The following TFPI2 variants were observed in gnomAD, a reference collection of about 807,000 sequenced individuals.
The protein encoded by TFPI2 is placental protein 5.
Under a neutral mutation model 23.1 loss-of-function variants are expected in TFPI2, and 23 were observed. The ratio of observed to expected loss-of-function variants is 1.00; its 90% CI spans 0.72 to 1.41. TFPI2 has a LOEUF of 1.41. Ranked by LOEUF, TFPI2 falls within the 40% of genes most tolerant of loss-of-function variation. TFPI2 has a pLI of 0.00. For missense variants in TFPI2, 291 were observed against 299.6 expected, an observed-to-expected ratio of 0.97 and a Z score of 0.21; for synonymous variants, 119 against 111.7, an observed-to-expected ratio of 1.07 and a Z score of -0.41.
At chr7:93,888,603 G>GAAAGAAAGAAAGAAAGAAAGAA (rs2115846699) in intron 3 of TFPI2, among the ~76,000 whole-genome samples, 2 of 130,956 alleles carry the variant, frequency 1.5e-5, no homozygotes, top group African/African-American at 6.5e-5. Flanking sequence ...AAGAAAGAAA[G>GAAAGAAAGAAAGAAAGAAAGAA]AAAGAGAAAA....
Position 93,888,589 on chromosome 7 carries a change from G to GAGAAAGAAAGAA in TFPI2, c.460+434_460+445dup, listed in dbSNP as rs58431286. ...GGAAGGAAGGAAGGAAGGAAGGAAA[G>GAGAAAGAAAGAA]AGAAAGAAAGAAAGAAAGAGAAAAA... On this transcript the variant is annotated intron_variant, in intron 3 of 4. Transcript: ENST00000222543. Among the ~76,000 whole-genome samples the GAGAAAGAAAGAA allele has an allele frequency of 8.1e-4, 84 of 103,348 alleles. 2 individuals carry two copies. Among genetic ancestry groups the GAGAAAGAAAGAA allele is most frequent in the East Asian group, 4.6e-3 (14 of 3,038 alleles). 67.8% of individuals were successfully genotyped at this position (103,348 alleles called of 152,430 possible). A position where few individuals can be genotyped will look rare whatever the true frequency, so the allele number is the denominator to read the frequency against.
Position 93,889,203 on chromosome 7 carries a change from GC to G in TFPI2, c.291del (p.Leu98CysfsTer3). The G allele has an allele frequency of 6.3e-7, 1 of 1,582,748 alleles. No individual in the cohort carries two copies. Among genetic ancestry groups the G allele is most frequent in the Non-Finnish European group, 8.6e-7 (1 of 1,166,080 alleles). On this transcript the variant is annotated frameshift_variant, in exon 3 of 5. Coordinates refer to ENST00000222543, the MANE Select transcript of TFPI2 (RefSeq NM_006528.4). LOFTEE classifies it high-confidence loss of function. ...CACTGGTCGTCCACACTCACTTGCAGCCGGCAAACTTTGGGAACTTCTAGGA... is the reference window on the plus strand; with the variant it reads ...CACTGGTCGTCCACACTCACTTGCAGCGGCAAACTTTGGGAACTTCTAGGA... ...WRIEKVPKVCRLQVSVDDQCE... is the reference protein window; with the variant it reads ...WRIEKVPKVCXLQVSVDDQCE...
intron 3 of TFPI2, 95 bp from the exon 4 acceptor site, chr7:93,887,526 T>C: frequency 1.0e-6 from 1 of 967,772 alleles, no homozygotes; most frequent in Non-Finnish European, 1.5e-6. Flanking sequence ...TCTAATCCCA[T>C]AGAAGCCTCA....
Position 93,889,030 on chromosome 7 carries a change from T to C in TFPI2, c.460+5A>G. ...AAATAGAAATACCATAAAAATCGTA[T>C]TTACTTTTCTTTGGTGCGCAGAAGC... On this transcript the variant is annotated splice_donor_5th_base_variant and intron_variant, in intron 3 of 4. Transcript: ENST00000222543. The C allele has an allele frequency of 1.3e-6, 2 of 1,582,764 alleles. No individual in the cohort carries two copies. Among genetic ancestry groups the C allele is most frequent in the Non-Finnish European group, 1.7e-6 (2 of 1,171,516 alleles).
At chr7:93,888,899 C>T (rs1794068251) in intron 3 of TFPI2, 136 bp downstream of exon 3, 3 of 826,976 alleles carry the variant, frequency 3.6e-6, no homozygotes, top group Non-Finnish European at 5.6e-6. Context: ...GTCCTAAGAA[C>T]TTGACAAGTC....
intron 3 of TFPI2, 60 bp downstream of exon 3, chr7:93,888,975 T>C (rs760731682): frequency 2.6e-6 from 4 of 1,512,204 alleles, no homozygotes; most frequent in Non-Finnish European, 3.6e-6. Flanking sequence ...AATTGAGTTT[T>C]TTCCACCCAA....
intron 2 of TFPI2, 101 bp from the exon 3 acceptor site, chr7:93,889,324 T>C: frequency 8.8e-7 from 1 of 1,132,560 alleles, no homozygotes; most frequent in Non-Finnish European, 1.2e-6. Context: ...AGAGAAGTTG[T>C]ATTAGTGTTG....
chr7:93,886,855 T>C lies in TFPI2; in HGVS notation c.673A>G (p.Ser225Gly), dbSNP rs781548960. ...KKKMPKLRFA[S>G]RIRKIRKKQF is the part of the protein sequence containing the mutation. ...TTCTTCCGAATTTTCCGGATTCTACTGGCAAAGCGAAGCTTTGGCATCTTC... is the reference window on the plus strand; with the variant it reads ...TTCTTCCGAATTTTCCGGATTCTACCGGCAAAGCGAAGCTTTGGCATCTTC... Residue 225 changes from serine to glycine, a missense_variant, in exon 5 of 5, where the codon AGT becomes GGT. Transcript: ENST00000222543. 6.4e-7 allele frequency: 1 copy of C among 1,552,704 alleles called. No individual in the cohort carries two copies.
At chr7:93,888,970 A>G in intron 3 of TFPI2, 65 bp downstream of exon 3, 1 of 1,428,722 alleles carries the variant, frequency 7.0e-7, no homozygotes, top group Non-Finnish European at 9.6e-7. Context: ...CATCAAATTG[A>G]GTTTTTTCCA....
chr7:93,889,668 G>A (rs1189856439), intron 2 of TFPI2, among the ~76,000 whole-genome samples: 1 of 151,968 alleles, frequency 6.6e-6, no homozygotes, highest in East Asian at 1.9e-4. Flanking sequence ...CACATGTTTG[G>A]GTATCGGGAC....
chr7:93,887,543 A>G (rs760753280), intron 3 of TFPI2, 112 bp from the exon 4 acceptor site: 6 of 769,296 alleles, frequency 7.8e-6, no homozygotes, highest in Non-Finnish European at 1.0e-5. Flanking sequence ...CTCAGTCTGA[A>G]TCCAAAATAT....
At position 93,889,170 on chromosome 7, in the gene TFPI2, A is replaced by G. The variant is rs1449556191; in HGVS notation, c.325T>C (p.Ser109Pro). Residue 109 changes from serine to proline, a missense_variant, in exon 3 of 5, where the codon TCC (serine) becomes CCC (proline). Coordinates refer to ENST00000222543, the MANE Select transcript of TFPI2 (RefSeq NM_006528.4). ...QVSVDDQCEG[S>P]TEKYFFNLSS... The stretch of plus-strand genomic sequence containing the variant: ...AGATTAAAGAAATACTTTTCTGTGG[A>G]CCCCTCACACTGGTCGTCCACACTC... The G allele has an allele frequency of 6.2e-7, 1 of 1,610,978 alleles. No individual in the cohort carries two copies. The highest frequency in any genetic ancestry group is 1.3e-5 in the African/African-American group (1 of 74,690).
At position 93,886,699 on chromosome 7, in the gene TFPI2, A is replaced by G; in HGVS notation, c.*121T>C. The G allele has an allele frequency of 1.4e-6, 1 of 712,850 alleles. No individual in the cohort carries two copies. Among genetic ancestry groups the G allele is most frequent in the Non-Finnish European group, 2.2e-6 (1 of 447,396 alleles). The allele number at this position is 712,850 out of a possible 1,614,324, so 44.2% of individuals were successfully genotyped here. A position where few individuals can be genotyped will look rare whatever the true frequency, so the allele number is the denominator to read the frequency against. ...AATTTTTTAAAAAGTGACTTGTATT[A>G]ATAAAAACTGGTGAATAAATCACCA... On this transcript the variant is annotated 3_prime_UTR_variant, in exon 5 of 5. Transcript: ENST00000222543.
At chr7:93,890,116 G>C (rs1473950189) in intron 2 of TFPI2, 21 bp downstream of exon 2, 1 of 1,567,620 alleles carries the variant, frequency 6.4e-7, no homozygotes. Flanking sequence ...CGAGAGTCCT[G>C]GGTGCGCGCA....
intron 3 of TFPI2, among the ~76,000 whole-genome samples, chr7:93,887,709 A>C (rs1026236123): frequency 6.6e-6 from 1 of 152,172 alleles, no homozygotes; most frequent in Non-Finnish European, 1.5e-5. Flanking sequence ...CAAATACCAG[A>C]TATGGTTAGG....
chr7:93,890,172 C>G lies in TFPI2; in HGVS notation c.236G>C (p.Trp79Ser). 6.2e-7 allele frequency: 1 copy of G among 1,612,856 alleles called. No individual in the cohort carries two copies. Residue 79 changes from tryptophan (W) to serine (S), a missense_variant, in exon 2 of 5, where the codon TGG becomes TCG. By Grantham distance (177) the Trp-to-Ser change is radical. Coordinates refer to ENST00000222543, the MANE Select transcript of TFPI2 (RefSeq NM_006528.4). ...CCAGCAAGCATCGTCGCAAGCCTCCCAGGTGTAGAAATTGTTGGCGTTGCC... is the reference window on the plus strand; with the variant it reads ...CCAGCAAGCATCGTCGCAAGCCTCCGAGGTGTAGAAATTGTTGGCGTTGCC... ...CEGNANNFYTWEACDDACWRI... is the reference protein window; with the variant it reads ...CEGNANNFYTSEACDDACWRI...
At position 93,890,209 on chromosome 7, in the gene TFPI2, C is replaced by G. The variant is rs746215278; in HGVS notation, c.199G>C (p.Gly67Arg). 5.0e-6 allele frequency: 8 copies of G among 1,613,728 alleles called. No homozygotes were observed. The highest frequency in any genetic ancestry group is 5.9e-6 in the Non-Finnish European group (7 of 1,179,830). Reference sequence around the variant, plus strand: ...TTGTTGGCGTTGCCCTCGCAGCCCCCGTACAGGAACTGGCGGCAGCTCTGC... The same window carrying G: ...TTGTTGGCGTTGCCCTCGCAGCCCCGGTACAGGAACTGGCGGCAGCTCTGC... ...YTQSCRQFLY[G>R]GCEGNANNFY... is the part of the protein sequence containing the mutation. The change falls in exon 2 of 5, where the codon GGG (glycine) becomes CGG (arginine). Residue 67 changes from glycine (G) to arginine (R), a missense_variant. Physicochemically the swap from Gly to Arg is moderately radical, Grantham distance 125. Transcript: ENST00000222543.
At chr7:93,888,885 T>C (rs1371718868) in intron 3 of TFPI2, 150 bp downstream of exon 3, 4 of 727,210 alleles carry the variant, frequency 5.5e-6, no homozygotes, top group Non-Finnish European at 8.6e-6. Context: ...TTTGTCACTT[T>C]CCAGTCCTAA....
intron 3 of TFPI2, among the ~76,000 whole-genome samples, chr7:93,888,318 C>T (rs930171575): frequency 6.6e-6 from 1 of 152,000 alleles, no homozygotes; most frequent in Non-Finnish European, 1.5e-5. Context: ...TTAATGAATA[C>T]TTTAATCTTT....
Sources: gnomAD v4.1 joint callset for allele counts (sites outside exome capture counted in the v4.1 genomes callset) on GRCh38, gnomAD v4.1.1 for gene constraint, MANE v1.5 for transcripts, NCBI Gene and HGNC (gene_info 2026-07-23, HGNC 2026-07-21) for gene names.